Variants in PTK2 observed in about 807,000 individuals in gnomAD.
PTK2 encodes protein tyrosine kinase 2.
PTK2 carries 45 observed loss-of-function variants against 150.1 expected under a neutral mutation model. That is an observed-to-expected ratio of 0.30 (90% CI 0.24 to 0.38). The LOEUF (loss-of-function observed/expected upper bound fraction) is 0.38, where lower values mean the gene tolerates loss of function less well. PTK2 is among the 10% of genes least tolerant of loss of function. The pLI, the probability that PTK2 is intolerant of heterozygous loss-of-function variation, is 1.00. For missense variants in PTK2, 919 were observed against 1,307.3 expected, an observed-to-expected ratio of 0.70 and a Z score of 4.58; for synonymous variants, 432 against 449.2, an observed-to-expected ratio of 0.96 and a Z score of 0.48.
At chr8:140,901,366 G>A (rs2100158369) in intron 2 of PTK2, among the ~76,000 whole-genome samples, 1 of 152,040 alleles carries the variant, frequency 6.6e-6, no homozygotes, top group Non-Finnish European at 1.5e-5. Flanking sequence ...TCTCGACAAG[G>A]ATTTTTCAAC....
At chr8:140,685,059 G>A (rs1461407435) in intron 27 of PTK2, among the ~76,000 whole-genome samples, 1 of 152,096 alleles carries the variant, frequency 6.6e-6, no homozygotes, top group African/African-American at 2.4e-5. Flanking sequence ...CAGACCAATA[G>A]AACAGAATAC....
intron 23 of PTK2, among the ~76,000 whole-genome samples, chr8:140,709,025 C>T (rs186382377): frequency 1.0e-3 from 154 of 151,726 alleles, no homozygotes; most frequent in African/African-American, 3.7e-3. Flanking sequence ...GAACTACCTA[C>T]TTTACATACA....
chr8:140,984,607 T>TTCTTCTGCTTGCTGTGATCCC (rs1288987926), intron 1 of PTK2, among the ~76,000 whole-genome samples: 2 of 152,264 alleles, frequency 1.3e-5, no homozygotes, highest in African/African-American at 4.8e-5. Flanking sequence ...ATACATATCC[T>TTCTTCTGCTTGCTGTGATCCC]AGAACGGTTA....
intron 23 of PTK2, 143 bp from the exon 27 acceptor site, chr8:140,706,348 AAC>A (rs1219936683): frequency 3.3e-6 from 2 of 598,906 alleles, no homozygotes; most frequent in Non-Finnish European, 5.9e-6. Flanking sequence ...ATAGGGAAAG[AAC>A]AGTCTTTTCA....
chr8:140,920,678 T>C (rs891538117), intron 2 of PTK2: 14 of 858,934 alleles, frequency 1.6e-5, no homozygotes, highest in Non-Finnish European at 2.3e-5. Context: ...TGTAAACCCA[T>C]ACCAAATCTA....
intron 1 of PTK2, among the ~76,000 whole-genome samples, chr8:140,979,525 G>C (rs564013713): frequency 6.6e-6 from 1 of 151,938 alleles, no homozygotes; most frequent in South Asian, 2.1e-4. Context: ...GCCACAATAA[G>C]ATATGACACA....
At chr8:140,992,295 A>G (rs1247184207) in intron 1 of PTK2, among the ~76,000 whole-genome samples, 2,259 of 146,516 alleles carry the variant, frequency 0.015, 57 homozygotes, top group African/African-American at 0.052. Flanking sequence ...TCATCTCGGA[A>G]AAAAAAAAAA....
At chr8:140,682,396 A>G (rs1305510517) in intron 27 of PTK2, among the ~76,000 whole-genome samples, 1 of 152,160 alleles carries the variant, frequency 6.6e-6, no homozygotes, top group Non-Finnish European at 1.5e-5. Context: ...CAACAACAAC[A>G]AAAAATTTAG....
chr8:140,669,682 T>A (rs766660038), intron 29 of PTK2, 45 bp downstream of exon 33: 3 of 1,524,506 alleles, frequency 2.0e-6, no homozygotes. Context: ...GAGCCGGGTG[T>A]GATAGAGAGA....
intron 14 of PTK2, among the ~76,000 whole-genome samples, chr8:140,780,793 C>A (rs4246126): frequency 0.57 from 87,269 of 151,990 alleles, 26,460 homozygotes; most frequent in African/African-American, 0.76. Context: ...AATATGCCTT[C>A]GATTTGCTTT....
chr8:140,991,286 T>C (rs1029583919), intron 1 of PTK2, among the ~76,000 whole-genome samples: 6 of 152,190 alleles, frequency 3.9e-5, no homozygotes, highest in African/African-American at 1.4e-4. Flanking sequence ...TAGCCAATTT[T>C]TCAGCACCAA....
intron 18 of PTK2, 31 bp downstream of exon 21, chr8:140,746,729 T>A: frequency 6.6e-7 from 1 of 1,506,304 alleles, no homozygotes; most frequent in Non-Finnish European, 9.1e-7. Flanking sequence ...AAACGCTGAG[T>A]CCAGAAGGTA....
chr8:140,762,448 A>G (rs2100069928), intron 15 of PTK2, 60 bp from the exon 18 acceptor site: 7 of 902,556 alleles, frequency 7.8e-6, no homozygotes, highest in Middle Eastern at 5.4e-4. Context: ...ACTAACAGCA[A>G]TTAGGTTAAC....
intron 8 of PTK2, among the ~76,000 whole-genome samples, chr8:140,825,368 T>C (rs756095809): frequency 2.0e-5 from 3 of 152,184 alleles, no homozygotes; most frequent in Non-Finnish European, 2.9e-5. Flanking sequence ...AAAATAGTCA[T>C]CTGCTCATCC....
At chr8:140,806,053 C>T (rs1393279483) in intron 10 of PTK2, among the ~76,000 whole-genome samples, 3 of 152,114 alleles carry the variant, frequency 2.0e-5, no homozygotes, top group African/African-American at 7.2e-5. Flanking sequence ...ACCAAGGCTG[C>T]TAGATGTCAC....
At chr8:140,997,987 A>G (rs765323681) in intron 1 of PTK2, among the ~76,000 whole-genome samples, 23 of 152,212 alleles carry the variant, frequency 1.5e-4, no homozygotes, top group Non-Finnish European at 2.6e-4. Context: ...CTGCACACTT[A>G]CTATAGTGTA....
chr8:140,872,967 C>G (rs754805533), intron 4 of PTK2, among the ~76,000 whole-genome samples: 1 of 152,176 alleles, frequency 6.6e-6, no homozygotes. Flanking sequence ...AGCTAAGTTT[C>G]ATTCATATTG....
At chr8:140,882,796 G>A (rs1411681533) in intron 3 of PTK2, among the ~76,000 whole-genome samples, 3 of 152,114 alleles carry the variant, frequency 2.0e-5, no homozygotes, top group African/African-American at 7.2e-5. Context: ...TATGACCACT[G>A]CATAGAAACA....
intron 23 of PTK2, among the ~76,000 whole-genome samples, chr8:140,709,935 A>G (rs79976799): frequency 0.029 from 4,390 of 152,284 alleles, 223 homozygotes; most frequent in African/African-American, 0.1. Flanking sequence ...CAGCATCCAT[A>G]GATTCAACCA....
Sources: gnomAD v4.1 joint callset for allele counts (sites outside exome capture counted in the v4.1 genomes callset) on GRCh38, gnomAD v4.1.1 for gene constraint, MANE v1.5 for transcripts, NCBI Gene and HGNC (gene_info 2026-07-23, HGNC 2026-07-21) for gene names.